Variants in CAMK2D observed in about 807,000 individuals in gnomAD.
CAMK2D encodes calcium/calmodulin-dependent protein kinase type II subunit delta.
A neutral mutation model predicts 84.0 loss-of-function variants in CAMK2D; 37 were observed. The observed-to-expected ratio is 0.44, with a 90% CI of 0.34 to 0.58. The LOEUF (loss-of-function observed/expected upper bound fraction) is 0.58, where lower values mean the gene tolerates loss of function less well. CAMK2D is among the 20% of genes least tolerant of loss of function. CAMK2D has a pLI of 0.02. For synonymous variants in CAMK2D, 202 were observed against 212.5 expected, an observed-to-expected ratio of 0.95 and a Z score of 0.43; for missense variants, 448 against 652.5, an observed-to-expected ratio of 0.69 and a Z score of 3.41.
chr4:113,674,241 T>G (rs543305212), intron 2 of CAMK2D, among the ~76,000 whole-genome samples: 8 of 152,286 alleles, frequency 5.3e-5, no homozygotes, highest in African/African-American at 1.7e-4. Context: ...TCTTATTGAT[T>G]CTGATATTGA....
intron 2 of CAMK2D, among the ~76,000 whole-genome samples, chr4:113,733,981 A>G (rs1230929692): frequency 1.3e-5 from 2 of 152,202 alleles, no homozygotes. Flanking sequence ...AACAAGAAAA[A>G]TGTTGTTTTT....
rs185868052 is a variant in CAMK2D, at chr4:113,675,617, G to A, written c.161-13845C>T. 2.3e-3 allele frequency among the ~76,000 whole-genome samples: 343 copies of A among 151,992 alleles called. 1 individual carries two copies. The highest frequency in any genetic ancestry group is 3.7e-3 in the Non-Finnish European group (254 of 67,964). The stretch of plus-strand genomic sequence containing the variant: ...AAGTTCCCATGGAATCAGAGGAAAA[G>A]TAAGTATTCTGATTAAAAAGTTCAT... On this transcript the variant is annotated intron_variant, in intron 2 of 20. Transcript: ENST00000511664.
At chr4:113,743,271 G>A (rs1309861526) in intron 2 of CAMK2D, among the ~76,000 whole-genome samples, 1 of 152,084 alleles carries the variant, frequency 6.6e-6, no homozygotes, top group East Asian at 1.9e-4. Flanking sequence ...CTAGCCATGT[G>A]AATTAAGAAA....
rs115193972 is a variant in CAMK2D at position 113,701,648 on chromosome 4, C to A, written c.161-39876G>T. Among the ~76,000 whole-genome samples, 1,419 of 152,230 alleles carry A rather than the reference C, an allele frequency of 9.3e-3. 26 individuals are homozygous for A. Among genetic ancestry groups the A allele is most frequent in the African/African-American group, 0.032 (1,341 of 41,554 alleles). ...ATGGGCCACCCTGGGAAAGTTATGA[C>A]CTTGGACAAGGGGCCTCTTTACAAA... On this transcript the variant is annotated intron_variant, in intron 2 of 20. Coordinates refer to ENST00000511664, the MANE Select transcript of CAMK2D (RefSeq NM_001321571.2).
At chr4:113,517,424 CCCTTT>C (rs953461711) in intron 9 of CAMK2D, 134 bp downstream of exon 9, 6 of 443,818 alleles carry the variant, frequency 1.4e-5, no homozygotes, top group African/African-American at 7.8e-5. Flanking sequence ...ATTTCTTTCT[CCCTTT>C]CCTTAAGAGA....
intron 2 of CAMK2D, among the ~76,000 whole-genome samples, chr4:113,722,362 G>A (rs887763767): frequency 1.3e-5 from 2 of 152,128 alleles, no homozygotes; most frequent in Non-Finnish European, 2.9e-5. Context: ...GTTTACTAAA[G>A]CAGTAAAACA....
intron 12 of CAMK2D, among the ~76,000 whole-genome samples, chr4:113,512,848 GGCGTGA>G (rs2098233808): frequency 6.6e-6 from 1 of 152,216 alleles, no homozygotes; most frequent in Non-Finnish European, 1.5e-5. Flanking sequence ...TGGGATTACA[GGCGTGA>G]GCCACCACGC....
intron 2 of CAMK2D, among the ~76,000 whole-genome samples, chr4:113,752,108 T>C (rs528271277): frequency 5.3e-5 from 8 of 152,000 alleles, no homozygotes; most frequent in Non-Finnish European, 8.8e-5. Context: ...TGATTAGCTC[T>C]CGGGGAGATA....
intron 8 of CAMK2D, among the ~76,000 whole-genome samples, chr4:113,522,533 G>C (rs1673906726): frequency 1.3e-5 from 2 of 152,196 alleles, no homozygotes; most frequent in Admixed American, 6.5e-5. Context: ...GCATGTTTCA[G>C]AGGATGGAAA....
chr4:113,699,275 T>C (rs4502684), intron 2 of CAMK2D, among the ~76,000 whole-genome samples: 22,552 of 152,042 alleles, frequency 0.15, 2,782 homozygotes, highest in African/African-American at 0.33. Context: ...TATCTGATAG[T>C]TTTTTCTTTT....
chr4:113,570,105 T>C (rs898198791), intron 4 of CAMK2D, among the ~76,000 whole-genome samples: 1 of 151,988 alleles, frequency 6.6e-6, no homozygotes, highest in East Asian at 1.9e-4. Context: ...CTATAAAACA[T>C]TGATAAAAGA....
intron 18 of CAMK2D, among the ~76,000 whole-genome samples, chr4:113,459,190 T>G (rs921162520): frequency 5.9e-5 from 9 of 152,150 alleles, no homozygotes; most frequent in Non-Finnish European, 1.3e-4. Flanking sequence ...GTGTGGTTTT[T>G]AAAAATTTTT....
chr4:113,476,735 T>A (rs2097629023), intron 16 of CAMK2D, among the ~76,000 whole-genome samples: 1 of 152,200 alleles, frequency 6.6e-6, no homozygotes, highest in Non-Finnish European at 1.5e-5. Context: ...GATATATAAC[T>A]TCTTCAATTA....
Position 113,761,141 on chromosome 4 carries a change from A to T in CAMK2D, c.-73T>A. On this transcript the variant is annotated 5_prime_UTR_variant, in exon 1 of 21. Coordinates refer to ENST00000511664, the MANE Select transcript of CAMK2D (RefSeq NM_001321571.2). ...GAGCAGACGCGCGGCTAACCCCGGG[A>T]CTGGCCCCGCGGCGCTGTCACCCAG... 6.2e-7 allele frequency: 1 copy of T among 1,606,468 alleles called. No homozygotes were observed. The highest frequency in any genetic ancestry group is 1.1e-5 in the South Asian group (1 of 90,992).
In CAMK2D at chr4:113,761,547, G is replaced by C; in HGVS notation, c.-479C>G. On this transcript the variant is annotated 5_prime_UTR_variant, in exon 1 of 21. Transcript: ENST00000511664. ...CGGGGCCGAGGCCGCGGAGCCCAGA[G>C]CGGACAGCCTGAGCCCAGCGGCCGC... The C allele has an allele frequency of 1.0e-6, 1 of 998,110 alleles. No individual in the cohort carries two copies. Among genetic ancestry groups the C allele is most frequent in the Non-Finnish European group, 1.2e-6 (1 of 837,708 alleles). The allele number at this position is 998,110 out of a possible 1,614,324, so 61.8% of individuals were successfully genotyped here.
chr4:113,721,253 C>A (rs1377283845), intron 2 of CAMK2D, among the ~76,000 whole-genome samples: 3 of 151,982 alleles, frequency 2.0e-5, no homozygotes, highest in African/African-American at 7.2e-5. Context: ...AACTTGTGAT[C>A]AAAATTCTAC....
At chr4:113,567,758 TA>T (rs1455993337) in intron 4 of CAMK2D, among the ~76,000 whole-genome samples, 3 of 152,170 alleles carry the variant, frequency 2.0e-5, no homozygotes, top group African/African-American at 7.2e-5. Flanking sequence ...TCCTAATCTA[TA>T]AAATGGCTAA....
At chr4:113,709,066 A>G (rs1335510555) in intron 2 of CAMK2D, among the ~76,000 whole-genome samples, 4 of 152,072 alleles carry the variant, frequency 2.6e-5, no homozygotes, top group African/African-American at 9.7e-5. Context: ...GAACTAAACT[A>G]TGTGAAATTT....
At position 113,761,233 on chromosome 4, in the gene CAMK2D, G is replaced by A. The variant is rs115238976; in HGVS notation, c.-165C>T. 1.7e-3 allele frequency: 2,503 copies of A among 1,482,536 alleles called. 33 individuals carry two copies. The African/African-American group carries it at 0.031, about 18-fold the overall frequency. The allele number at this position is 1,482,536 out of a possible 1,614,324, so 91.8% of individuals were successfully genotyped here. Reference sequence around the variant, plus strand: ...AGGGAGTGTGCGCAGGGGCGGGGCGGGAGGGGAGATGACCAGAAAGGGTGG... The same window carrying A: ...AGGGAGTGTGCGCAGGGGCGGGGCGAGAGGGGAGATGACCAGAAAGGGTGG... On this transcript the variant is annotated 5_prime_UTR_variant, in exon 1 of 21. Transcript: ENST00000511664.
Sources: allele counts gnomAD v4.1 joint callset (sites outside exome capture counted in the v4.1 genomes callset), GRCh38; gene constraint gnomAD v4.1.1; transcripts MANE v1.5; gene names NCBI Gene and HGNC (gene_info 2026-07-23, HGNC 2026-07-21).